SLC2A13: variants seen among roughly 807,000 people sequenced by gnomAD.
SLC2A13 encodes proton myo-inositol cotransporter.
In SLC2A13, 32 loss-of-function variants were observed where a neutral mutation model predicts 64.4. The observed-to-expected ratio is 0.50, with a 90% confidence interval of 0.37 to 0.67. The LOEUF (loss-of-function observed/expected upper bound fraction) is 0.67. Ranked by LOEUF, SLC2A13 falls within the 30% of genes least tolerant of loss-of-function variation. The probability of loss-of-function intolerance (pLI) is 0.00; values close to 1 mark genes in which losing one functional copy is unlikely to be tolerated. For missense variants in SLC2A13, 743 were observed against 829.2 expected, an observed-to-expected ratio of 0.90 and a Z score of 1.28; for synonymous variants, 338 against 327.1, an observed-to-expected ratio of 1.03 and a Z score of -0.36.
chr12:39,962,882 T>C (rs1478433013), intron 3 of SLC2A13, among the ~76,000 whole-genome samples: 1 of 152,162 alleles, frequency 6.6e-6, no homozygotes, highest in Non-Finnish European at 1.5e-5. Context: ...GTTTTCATAA[T>C]TAAAGGTGGA....
chr12:39,838,198 G>A (rs1943072702), intron 6 of SLC2A13, among the ~76,000 whole-genome samples: 2 of 150,876 alleles, frequency 1.3e-5, no homozygotes, highest in African/African-American at 2.5e-5. Context: ...GTAGGGACAT[G>A]GATGAAATTG....
chr12:39,843,942 C>T (rs1046754183), intron 6 of SLC2A13, among the ~76,000 whole-genome samples: 1 of 151,872 alleles, frequency 6.6e-6, no homozygotes, highest in Non-Finnish European at 1.5e-5. Context: ...TTTTTCCCCC[C>T]AAAGCATTAC....
At chr12:39,812,337 T>TTTTTCTTTTCTTTTCTTTTCTTTTA (rs1942188829) in intron 7 of SLC2A13, among the ~76,000 whole-genome samples, 7 of 135,188 alleles carry the variant, frequency 5.2e-5, no homozygotes, top group African/African-American at 2.1e-4. Flanking sequence ...ACTAATTTCT[T>TTTTTCTTTTCTTTTCTTTTCTTTTA]TTTTCTTTTC....
At chr12:39,841,149 T>A (rs945199782) in intron 6 of SLC2A13, among the ~76,000 whole-genome samples, 1 of 152,082 alleles carries the variant, frequency 6.6e-6, no homozygotes, top group Non-Finnish European at 1.5e-5. Context: ...ATGCAAAAAA[T>A]TTTATAGTAG....
chr12:39,849,367 C>CA (rs1363101771), intron 6 of SLC2A13, among the ~76,000 whole-genome samples: 1 of 152,088 alleles, frequency 6.6e-6, no homozygotes, highest in Non-Finnish European at 1.5e-5. Flanking sequence ...CTAAAAGTCT[C>CA]AGAGTTAATG....
At chr12:39,761,070 T>C (rs1311504409) in intron 9 of SLC2A13, among the ~76,000 whole-genome samples, 6 of 151,820 alleles carry the variant, frequency 4.0e-5, no homozygotes, top group African/African-American at 1.5e-4. Context: ...AATTTTAGGC[T>C]TTCAGTCCAG....
At chr12:39,790,268 G>C (rs1941342079) in intron 7 of SLC2A13, among the ~76,000 whole-genome samples, 2 of 145,388 alleles carry the variant, frequency 1.4e-5, no homozygotes, top group African/African-American at 5.1e-5. Context: ...TGTGCACATT[G>C]TGCAGGTTAG....
At position 39,961,816 on chromosome 12, in the gene SLC2A13, T is replaced by A. The variant is rs575953401; in HGVS notation, c.926-10451A>T. 3.3e-5 allele frequency among the ~76,000 whole-genome samples: 5 copies of A among 152,034 alleles called. No individual in the cohort carries two copies. The South Asian group carries it at 6.2e-4, about 19-fold the overall frequency. On this transcript the variant is annotated intron_variant, in intron 3 of 9. Transcript: ENST00000280871. ...ACACTCGGCCTTTCTTTTCTTTTTA[T>A]GAGACAGAGTCTCACTCTGTCACCT...
intron 4 of SLC2A13, among the ~76,000 whole-genome samples, chr12:39,927,341 C>A (rs79486156): frequency 0.057 from 8,702 of 152,096 alleles, 379 homozygotes; most frequent in Middle Eastern, 0.14. Context: ...GAATAGAGAT[C>A]AAAAACTAAA....
chr12:39,967,504 T>C (rs1219202214), intron 3 of SLC2A13, among the ~76,000 whole-genome samples: 35 of 152,172 alleles, frequency 2.3e-4, no homozygotes, highest in Admixed American at 2.3e-3. Context: ...ACATTAAAAA[T>C]ATATGACTCC....
chr12:40,014,666 G>T (rs900825691), intron 3 of SLC2A13, among the ~76,000 whole-genome samples: 1 of 151,940 alleles, frequency 6.6e-6, no homozygotes, highest in African/African-American at 2.4e-5. Context: ...TGATTTTTTT[G>T]TATTTTTAGT....
At chr12:40,014,691 T>C (rs1947592065) in intron 3 of SLC2A13, among the ~76,000 whole-genome samples, 2 of 152,066 alleles carry the variant, frequency 1.3e-5, no homozygotes, top group South Asian at 4.2e-4. Flanking sequence ...ACGGGGTTTC[T>C]TTATGTTGGT....
At chr12:39,866,611 C>T (rs2135930715) in intron 5 of SLC2A13, among the ~76,000 whole-genome samples, 1 of 152,166 alleles carries the variant, frequency 6.6e-6, no homozygotes, top group Non-Finnish European at 1.5e-5. Flanking sequence ...TCTGGAGTAG[C>T]TGGGACTACA....
At chr12:40,028,199 A>T in intron 3 of SLC2A13, 102 bp downstream of exon 3, 1 of 542,014 alleles carries the variant, frequency 1.8e-6, no homozygotes, top group Non-Finnish European at 2.9e-6. Context: ...ATACATAAAT[A>T]CCCATATATT....
At chr12:40,019,303 C>A (rs1228872169) in intron 3 of SLC2A13, among the ~76,000 whole-genome samples, 1 of 152,072 alleles carries the variant, frequency 6.6e-6, no homozygotes. Context: ...AAAGGATATT[C>A]TTAAGGACAT....
At chr12:39,906,789 T>A (rs932693089) in intron 4 of SLC2A13, among the ~76,000 whole-genome samples, 1 of 152,126 alleles carries the variant, frequency 6.6e-6, no homozygotes, top group Non-Finnish European at 1.5e-5. Context: ...TTATTTTAAA[T>A]TGAACGTTGA....
At chr12:39,924,891 T>C (rs1945692047) in intron 4 of SLC2A13, among the ~76,000 whole-genome samples, 1 of 152,042 alleles carries the variant, frequency 6.6e-6, no homozygotes, top group Non-Finnish European at 1.5e-5. Flanking sequence ...GTCTATGTAA[T>C]ACATTGTAAA....
At chr12:40,049,061 C>T (rs1375573300) in intron 1 of SLC2A13, among the ~76,000 whole-genome samples, 2 of 152,012 alleles carry the variant, frequency 1.3e-5, no homozygotes, top group African/African-American at 4.8e-5. Context: ...TAAAGTCTCA[C>T]CCTCTTGTGG....
intron 3 of SLC2A13, among the ~76,000 whole-genome samples, chr12:39,962,713 G>T (rs186532591): frequency 6.6e-6 from 1 of 152,266 alleles, no homozygotes; most frequent in Admixed American, 6.5e-5. Context: ...AGGAAAAAAA[G>T]AATATATATG....
Sources: gnomAD v4.1 joint callset for allele counts (sites outside exome capture counted in the v4.1 genomes callset) on GRCh38, gnomAD v4.1.1 for gene constraint, MANE v1.5 for transcripts, NCBI Gene and HGNC (gene_info 2026-07-23, HGNC 2026-07-21) for gene names.